Variants in TAPT1 observed in about 807,000 individuals in gnomAD.
The protein encoded by TAPT1 is transmembrane anterior posterior transformation 1.
TAPT1 carries 28 observed loss-of-function variants against 65.6 expected under a neutral mutation model. The ratio of observed to expected loss-of-function variants is 0.43; its 90% CI spans 0.32 to 0.59. TAPT1 has a LOEUF of 0.59. Ranked by LOEUF, TAPT1 falls within the 20% of genes least tolerant of loss-of-function variation. The pLI, the probability that TAPT1 is intolerant of heterozygous loss-of-function variation, is 0.09. For synonymous variants in TAPT1, 278 were observed against 245.2 expected (o/e 1.13, Z -1.25); for missense variants, 563 against 679.9 (o/e 0.83, Z 1.91).
At chr4:16,205,686 C>G (rs938950439) in intron 2 of TAPT1, among the ~76,000 whole-genome samples, 1 of 151,816 alleles carries the variant, frequency 6.6e-6, no homozygotes, top group Non-Finnish European at 1.5e-5. Flanking sequence ...AGAAGACAGG[C>G]ACTAGATTTT....
intron 4 of TAPT1, chr4:16,190,801 T>C (rs1749324551): frequency 6.5e-6 from 1 of 154,836 alleles, no homozygotes; most frequent in Non-Finnish European, 1.5e-5. Flanking sequence ...GCTGAATGCT[T>C]TGAAGTGAGA....
At chr4:16,186,641 T>C (rs905245785) in intron 6 of TAPT1, 37 bp from the exon 7 acceptor site, 2 of 1,453,124 alleles carry the variant, frequency 1.4e-6, no homozygotes, top group Non-Finnish European at 1.9e-6. Flanking sequence ...TTTATGATTA[T>C]AACAGTTTAA....
chr4:16,188,339 AAC>A lies in TAPT1; in HGVS notation c.627_628del (p.Ser211IlefsTer18). ...TAATATGTCTTGTCCAAAAGATGAA[AAC>A]AGACGATCAGCTACCTAAAAAAAAA... On this transcript the variant is annotated frameshift_variant, in exon 5 of 14. Coordinates refer to ENST00000405303, the MANE Select transcript of TAPT1 (RefSeq NM_153365.3). LOFTEE classifies it high-confidence loss of function. 6.3e-7 allele frequency: 1 copy of A among 1,589,464 alleles called. No homozygotes were observed. The highest frequency in any genetic ancestry group is 8.5e-7 in the Non-Finnish European group (1 of 1,172,116).
intron 1 of TAPT1, among the ~76,000 whole-genome samples, chr4:16,225,395 T>G (rs778666819): frequency 1.3e-5 from 2 of 152,224 alleles, no homozygotes; most frequent in Non-Finnish European, 2.9e-5. Context: ...AATTTTTTAG[T>G]TGGAAGAAAT....
intron 2 of TAPT1, among the ~76,000 whole-genome samples, chr4:16,204,477 G>A (rs771909805): frequency 3.3e-5 from 5 of 152,238 alleles, no homozygotes; most frequent in Non-Finnish European, 5.9e-5. Context: ...TTATCAAAAT[G>A]TACATGTTTC....
chr4:16,182,318 T>C (rs1411730539), intron 7 of TAPT1, among the ~76,000 whole-genome samples: 1 of 152,232 alleles, frequency 6.6e-6, no homozygotes, highest in East Asian at 1.9e-4. Context: ...AACATATTTA[T>C]ACCATCTCAT....
At chr4:16,226,756 G>C (rs933330483), upstream of TAPT1, 2 of 152,070 alleles carry the variant, frequency 1.3e-5, no homozygotes. Flanking sequence ...CATGCAGCCG[G>C]GCTGCGCGGT....
chr4:16,173,730 C>T (rs1748152666), intron 11 of TAPT1, among the ~76,000 whole-genome samples: 1 of 152,188 alleles, frequency 6.6e-6, no homozygotes, highest in Non-Finnish European at 1.5e-5. Context: ...CACTGAAATG[C>T]AAAGCCATGC....
At chr4:16,179,057 C>T (rs1748539864) in intron 8 of TAPT1, 1 of 152,470 alleles carries the variant, frequency 6.6e-6, no homozygotes, top group Non-Finnish European at 1.5e-5. Flanking sequence ...AGAAAACATA[C>T]CCAATCCATT....
At chr4:16,219,989 G>A (rs78568612) in intron 1 of TAPT1, among the ~76,000 whole-genome samples, 3,557 of 152,254 alleles carry the variant, frequency 0.023, 136 homozygotes, top group African/African-American at 0.08. Context: ...CAGAGCCATC[G>A]AGTTAGCCTC....
In TAPT1 at chr4:16,226,245, G is replaced by A. The variant is rs2108907902; in HGVS notation, c.199+14C>T. On this transcript the variant is annotated intron_variant, in intron 1 of 13. Coordinates refer to ENST00000405303, the MANE Select transcript of TAPT1 (RefSeq NM_153365.3). ...CCCTCGGAGCCCGCCACGGCCTAGC[G>A]CCGCCCGCCTCACCTGTGCGGCCCC... 9.0e-7 allele frequency: 1 copy of A among 1,114,990 alleles called. No homozygotes were observed. 69.1% of individuals were successfully genotyped at this position (1,114,990 alleles called of 1,614,324 possible).
intron 3 of TAPT1, among the ~76,000 whole-genome samples, chr4:16,194,560 C>T (rs756528884): frequency 2.4e-4 from 36 of 152,274 alleles, no homozygotes; most frequent in Admixed American, 5.2e-4. Context: ...ACACTGGATA[C>T]TTTATCACTG....
At chr4:16,220,838 T>C (rs1029692960) in intron 1 of TAPT1, among the ~76,000 whole-genome samples, 1 of 151,258 alleles carries the variant, frequency 6.6e-6, no homozygotes, top group African/African-American at 2.4e-5. Context: ...TGAATTTTCT[T>C]TTTTTTTTGA....
chr4:16,182,003 A>G (rs549026735), intron 7 of TAPT1, among the ~76,000 whole-genome samples: 2 of 152,228 alleles, frequency 1.3e-5, no homozygotes, highest in African/African-American at 2.4e-5. Context: ...AAAAAGTGAC[A>G]CCATAAAAAT....
intron 1 of TAPT1, chr4:16,214,691 CCT>C (rs918041303): frequency 2.6e-5 from 4 of 152,232 alleles, no homozygotes; most frequent in African/African-American, 9.7e-5. Flanking sequence ...ATTACACTTC[CCT>C]GATAGCCCAT....
intron 2 of TAPT1, among the ~76,000 whole-genome samples, chr4:16,204,248 C>T (rs561474498): frequency 5.9e-5 from 9 of 152,326 alleles, no homozygotes; most frequent in East Asian, 3.9e-4. Context: ...AATCAGGTCC[C>T]GGATAGGCAG....
At chr4:16,212,984 C>G (rs968680098) in intron 2 of TAPT1, among the ~76,000 whole-genome samples, 1 of 152,214 alleles carries the variant, frequency 6.6e-6, no homozygotes, top group African/African-American at 2.4e-5. Context: ...ATCCAGCCAA[C>G]CAAACTCTTC....
intron 4 of TAPT1, among the ~76,000 whole-genome samples, chr4:16,189,076 T>A (rs1449799023): frequency 1.3e-5 from 2 of 152,168 alleles, no homozygotes; most frequent in Non-Finnish European, 2.9e-5. Flanking sequence ...TTTTTTGAGG[T>A]TTATTATATG....
At chr4:16,174,394 C>G in intron 10 of TAPT1, 122 bp from the exon 11 acceptor site, 1 of 839,976 alleles carries the variant, frequency 1.2e-6, no homozygotes, top group Non-Finnish European at 1.8e-6. Context: ...AGAACAGAAC[C>G]TGGCACTTAT....
Sources: gnomAD v4.1 joint callset for allele counts (sites outside exome capture counted in the v4.1 genomes callset) on GRCh38, gnomAD v4.1.1 for gene constraint, MANE v1.5 for transcripts, NCBI Gene and HGNC (gene_info 2026-07-23, HGNC 2026-07-21) for gene names.